The following SPATA6 variants were observed in gnomAD, a reference collection of about 807,000 sequenced individuals.
SPATA6 encodes spermatogenesis-associated protein 6.
SPATA6 carries 56 observed loss-of-function variants against 65.3 expected under a neutral mutation model. The observed-to-expected ratio is 0.86, with a 90% CI of 0.69 to 1.07. SPATA6 has a LOEUF of 1.07. Ranked by LOEUF, SPATA6 falls within the 50% of genes least tolerant of loss-of-function variation. SPATA6 has a pLI of 0.00. For synonymous variants in SPATA6, 199 were observed against 213.2 expected (o/e 0.93, Z 0.58); for missense variants, 590 against 594.8 (o/e 0.99, Z 0.08).
At chr1:48,343,486 T>G (rs1646275588) in intron 11 of SPATA6, among the ~76,000 whole-genome samples, 1 of 152,118 alleles carries the variant, frequency 6.6e-6, no homozygotes, top group African/African-American at 2.4e-5. Flanking sequence ...ATAAGAAAAT[T>G]CAATACTTTT....
intron 9 of SPATA6, among the ~76,000 whole-genome samples, chr1:48,369,881 G>A (rs1453385101): frequency 2.0e-5 from 3 of 152,196 alleles, no homozygotes. Context: ...CTCACGCTGG[G>A]AGCTGTAGAC....
At chr1:48,325,395 A>G (rs1645726951) in intron 11 of SPATA6, 3 of 1,376,734 alleles carry the variant, frequency 2.2e-6, no homozygotes, top group Non-Finnish European at 2.1e-6. Context: ...CTCCAGGCCC[A>G]AGGAGCCAGG....
At chr1:48,314,191 C>A (rs1645326307) in intron 11 of SPATA6, among the ~76,000 whole-genome samples, 1 of 152,170 alleles carries the variant, frequency 6.6e-6, no homozygotes, top group Non-Finnish European at 1.5e-5. Flanking sequence ...CCAAGCAGAC[C>A]TAATAGACAT....
chr1:48,341,420 C>T (rs1440519985), intron 11 of SPATA6, among the ~76,000 whole-genome samples: 2 of 152,108 alleles, frequency 1.3e-5, no homozygotes, highest in African/African-American at 4.8e-5. Context: ...ATGAATCATC[C>T]TTTTGTCCAG....
At chr1:48,429,719 CT>C (rs1423918800) in intron 3 of SPATA6, among the ~76,000 whole-genome samples, 2 of 151,778 alleles carry the variant, frequency 1.3e-5, no homozygotes, top group African/African-American at 4.8e-5. Flanking sequence ...CAAAGAGATG[CT>C]CAAAAAGAAA....
chr1:48,381,642 G>A (rs1434641028), intron 9 of SPATA6, among the ~76,000 whole-genome samples: 1 of 79,828 alleles, frequency 1.3e-5, no homozygotes, highest in Non-Finnish European at 2.6e-5. Context: ...AAAAGCTATG[G>A]TTTTTCTTTT....
chr1:48,328,912 A>G (rs978942051), intron 11 of SPATA6, among the ~76,000 whole-genome samples: 1 of 152,186 alleles, frequency 6.6e-6, no homozygotes, highest in African/African-American at 2.4e-5. Context: ...TGGTAAGTAT[A>G]GAAAAGATCT....
intron 3 of SPATA6, among the ~76,000 whole-genome samples, chr1:48,439,443 A>T (rs534628970): frequency 6.6e-6 from 1 of 151,964 alleles, no homozygotes. Context: ...TCCGATCAGC[A>T]GGGTCCAGGG....
At chr1:48,322,390 C>G (rs1314003803) in intron 11 of SPATA6, among the ~76,000 whole-genome samples, 1 of 152,060 alleles carries the variant, frequency 6.6e-6, no homozygotes, top group African/African-American at 2.4e-5. Flanking sequence ...AACTGGATCC[C>G]TTCCTTACAC....
At chr1:48,443,073 A>T (rs1436395823) in intron 3 of SPATA6, among the ~76,000 whole-genome samples, 5 of 152,244 alleles carry the variant, frequency 3.3e-5, no homozygotes, top group Non-Finnish European at 5.9e-5. Flanking sequence ...ATAAGGAAGC[A>T]GACTTAGGAA....
At chr1:48,275,653 CAT>C in the SPATA6 span, among the ~76,000 whole-genome samples, 2 of 151,530 alleles carry the variant, frequency 1.3e-5, no homozygotes, top group Non-Finnish European at 3.0e-5. Context: ...GATTGATTCG[CAT>C]ATGTTTTTAT....
At chr1:48,290,299 TGA>T in the SPATA6 span, among the ~76,000 whole-genome samples, 1 of 152,150 alleles carries the variant, frequency 6.6e-6, no homozygotes, top group African/African-American at 2.4e-5. Context: ...AAGCAAATGC[TGA>T]GAGATTTTGT....
chr1:48,285,486 A>G, the SPATA6 span, among the ~76,000 whole-genome samples: 1 of 151,926 alleles, frequency 6.6e-6, no homozygotes, highest in Non-Finnish European at 1.5e-5. Context: ...TGAAAAAAAA[A>G]AAAAAAAAAA....
At chr1:48,393,627 T>C (rs888727019) in intron 8 of SPATA6, among the ~76,000 whole-genome samples, 3 of 152,128 alleles carry the variant, frequency 2.0e-5, no homozygotes, top group African/African-American at 7.2e-5. Flanking sequence ...ACATAAAATA[T>C]TGTCTGAATT....
chr1:48,277,319 C>T, the SPATA6 span, among the ~76,000 whole-genome samples: 2 of 152,120 alleles, frequency 1.3e-5, no homozygotes, highest in Non-Finnish European at 2.9e-5. Context: ...GAGTGCCAGA[C>T]AGTGGGTGCA....
In SPATA6 at chr1:48,443,958, G is replaced by C. The variant is rs1655760610; in HGVS notation, c.238+7594C>G. Among the ~76,000 whole-genome samples, 4 of 152,148 alleles carry C rather than the reference G, an allele frequency of 2.6e-5. No homozygotes were observed. In the South Asian group the frequency reaches 8.3e-4, roughly 32 times the overall value. On this transcript the variant is annotated intron_variant, in intron 3 of 12. Coordinates refer to ENST00000371847, the MANE Select transcript of SPATA6 (RefSeq NM_019073.4). ...CCCTGGACCGACCCACTGGCCTTTT[G>C]ACTGGCCTAAAGAGCTTCCCTCTGG...
chr1:48,453,172 A>G, intron 1 of SPATA6, 41 bp from the exon 2 acceptor site: 1 of 1,590,054 alleles, frequency 6.3e-7, no homozygotes, highest in Non-Finnish European at 8.5e-7. Context: ...TGCTTTATAA[A>G]TTCCCTGAAC....
intron 3 of SPATA6, among the ~76,000 whole-genome samples, chr1:48,428,365 A>G (rs1395553047): frequency 6.6e-6 from 1 of 152,172 alleles, no homozygotes. Context: ...GAGGCAGGAG[A>G]ATCGCTGAAC....
At chr1:48,353,981 A>G (rs1323767638) in intron 11 of SPATA6, among the ~76,000 whole-genome samples, 2 of 152,092 alleles carry the variant, frequency 1.3e-5, no homozygotes, top group Non-Finnish European at 2.9e-5. Context: ...TGCAAAACAT[A>G]TATCTAAGGA....
Sources: allele counts gnomAD v4.1 joint callset (sites outside exome capture counted in the v4.1 genomes callset), GRCh38; gene constraint gnomAD v4.1.1; transcripts MANE v1.5; gene names NCBI Gene and HGNC (gene_info 2026-07-23, HGNC 2026-07-21).